Variants in CACNA2D3 observed in about 807,000 individuals in gnomAD.
CACNA2D3 encodes the protein voltage-dependent calcium channel subunit alpha-2/delta-3.
A neutral mutation model predicts 160.6 loss-of-function variants in CACNA2D3; 60 were observed. The ratio of observed to expected loss-of-function variants is 0.37; its 90% CI spans 0.30 to 0.46. The LOEUF (loss-of-function observed/expected upper bound fraction) is 0.46. Among genes scored for constraint, CACNA2D3 ranks in the 20% least tolerant of loss-of-function variants. CACNA2D3 has a pLI of 1.00. For missense variants in CACNA2D3, 1,205 were observed against 1,365.0 expected (o/e 0.88, Z 1.85); for synonymous variants, 558 against 492.9 (o/e 1.13, Z -1.75).
intron 9 of CACNA2D3, among the ~76,000 whole-genome samples, chr3:54,583,845 C>G (rs1387854232): frequency 6.6e-6 from 1 of 151,704 alleles, no homozygotes; most frequent in African/African-American, 2.4e-5. Context: ...TCTTTGACTC[C>G]CATATATCCT....
At chr3:54,219,593 G>A (rs1480644346) in intron 2 of CACNA2D3, among the ~76,000 whole-genome samples, 4 of 152,022 alleles carry the variant, frequency 2.6e-5, no homozygotes, top group Non-Finnish European at 5.9e-5. Context: ...TTTCTACTTG[G>A]CATTACAATC....
intron 16 of CACNA2D3, among the ~76,000 whole-genome samples, chr3:54,840,546 G>A (rs1251939081): frequency 6.6e-6 from 1 of 150,896 alleles, no homozygotes; most frequent in Non-Finnish European, 1.5e-5. Context: ...AAGTAGCTGG[G>A]ATTACAGGTG....
intron 2 of CACNA2D3, among the ~76,000 whole-genome samples, chr3:54,193,822 C>T (rs1158503847): frequency 1.3e-5 from 2 of 152,182 alleles, no homozygotes; most frequent in Non-Finnish European, 1.5e-5. Flanking sequence ...TCATTTCCTT[C>T]ACTTATGGAC....
intron 27 of CACNA2D3, among the ~76,000 whole-genome samples, chr3:54,939,654 A>G (rs1238354293): frequency 2.0e-5 from 3 of 152,234 alleles, no homozygotes; most frequent in East Asian, 1.9e-4. Context: ...GAACGGAGCT[A>G]TCAGTCAGAT....
chr3:54,815,153 G>T (rs1703418903), intron 13 of CACNA2D3, among the ~76,000 whole-genome samples: 1 of 152,098 alleles, frequency 6.6e-6, no homozygotes. Flanking sequence ...AGCACTGGAG[G>T]AGCTTATGAG....
chr3:54,687,135 G>GTTTTTTTTTTTTTTTTTTTTTTTTT (rs1290353261), intron 11 of CACNA2D3, among the ~76,000 whole-genome samples: 1 of 88,896 alleles, frequency 1.1e-5, no homozygotes, highest in Non-Finnish European at 2.2e-5. Flanking sequence ...TTTTTTTTTT[G>GTTTTTTTTTTTTTTTTTTTTTTTTT]TTTTTTTTTT....
chr3:54,898,805 G>A (rs1418409968), intron 26 of CACNA2D3, among the ~76,000 whole-genome samples: 1 of 152,140 alleles, frequency 6.6e-6, no homozygotes, highest in African/African-American at 2.4e-5. Flanking sequence ...CCTTGTTCAT[G>A]ACAAAGTTAC....
At chr3:54,814,666 T>C (rs1262871578) in intron 13 of CACNA2D3, among the ~76,000 whole-genome samples, 1 of 152,194 alleles carries the variant, frequency 6.6e-6, no homozygotes, top group Non-Finnish European at 1.5e-5. Flanking sequence ...TTGAGGAAAA[T>C]ATATGTTTTG....
intron 3 of CACNA2D3, among the ~76,000 whole-genome samples, chr3:54,343,488 G>T (rs1226244894): frequency 2.0e-5 from 3 of 151,926 alleles, no homozygotes; most frequent in Non-Finnish European, 4.4e-5. Flanking sequence ...TTCACCATGT[G>T]GCCCAGGCTG....
chr3:54,299,042 C>T (rs1389379157), intron 2 of CACNA2D3, among the ~76,000 whole-genome samples: 1 of 151,104 alleles, frequency 6.6e-6, no homozygotes, highest in South Asian at 2.1e-4. Context: ...CCACAGTCTG[C>T]CATTTGCAAG....
intron 2 of CACNA2D3, among the ~76,000 whole-genome samples, chr3:54,124,112 A>T (rs1343564528): frequency 6.6e-6 from 1 of 152,212 alleles, no homozygotes; most frequent in Non-Finnish European, 1.5e-5. Flanking sequence ...ATCATTGCAG[A>T]TAAGGAGAAT....
rs1559465959 is a variant in CACNA2D3 at position 55,021,659 on chromosome 3, G to GTGTATATATA, written c.2987+3345_2987+3346insATATATATGT. ...TATATATATATGTGTATATATATAT[G>GTGTATATATA]TGTGTGTATATATATATGTGTATAT... On this transcript the variant is annotated intron_variant, in intron 35 of 37. Coordinates refer to ENST00000474759, the MANE Select transcript of CACNA2D3 (RefSeq NM_018398.3). Among the ~76,000 whole-genome samples the GTGTATATATA allele has an allele frequency of 6.1e-3, 399 of 65,520 alleles. 2 individuals carry two copies. The highest frequency in any genetic ancestry group is 8.0e-3 in the Non-Finnish European group (227 of 28,326). The allele number at this position is 65,520 out of a possible 152,430, so 43.0% of individuals were successfully genotyped here.
chr3:54,705,419 A>G (rs1055523451), intron 11 of CACNA2D3, among the ~76,000 whole-genome samples: 1 of 152,082 alleles, frequency 6.6e-6, no homozygotes, highest in African/African-American at 2.4e-5. Context: ...GCCTTTGTAA[A>G]GACGTTGTCC....
intron 2 of CACNA2D3, among the ~76,000 whole-genome samples, chr3:54,274,006 G>A (rs962414969): frequency 2.1e-5 from 3 of 140,170 alleles, no homozygotes; most frequent in Non-Finnish European, 4.4e-5. Flanking sequence ...TTGAGTGGGC[G>A]TATGGCTGTC....
chr3:54,441,493 A>G (rs575411736), intron 4 of CACNA2D3, among the ~76,000 whole-genome samples: 26 of 152,244 alleles, frequency 1.7e-4, no homozygotes, highest in Admixed American at 1.6e-3. Flanking sequence ...TAGTTTAATT[A>G]TATCCCATTT....
At chr3:55,009,324 T>G (rs1703161346) in intron 33 of CACNA2D3, 64 bp from the exon 34 acceptor site, 1 of 1,367,288 alleles carries the variant, frequency 7.3e-7, no homozygotes, top group African/African-American at 1.4e-5. Context: ...ATACAGAAAG[T>G]CACTGTTCTG....
At chr3:54,279,405 A>G (rs981251390) in intron 2 of CACNA2D3, among the ~76,000 whole-genome samples, 5 of 152,132 alleles carry the variant, frequency 3.3e-5, no homozygotes, top group Admixed American at 6.5e-5. Context: ...AGAGCTGAGT[A>G]ATTTCCCCAG....
chr3:54,777,734 T>C (rs943137292), intron 13 of CACNA2D3, among the ~76,000 whole-genome samples: 4 of 152,136 alleles, frequency 2.6e-5, no homozygotes, highest in South Asian at 2.1e-4. Context: ...GTTGTTTCCA[T>C]GGAAAGAGCC....
rs1183924145 is a variant in CACNA2D3 at position 54,386,726 on chromosome 3, G to C, written c.333G>C (p.Glu111Asp). 6.4e-7 allele frequency: 1 copy of C among 1,565,066 alleles called. No individual in the cohort carries two copies. The highest frequency in any genetic ancestry group is 1.2e-5 in the South Asian group (1 of 85,544). Residue 111 changes from glutamate to aspartate, a missense_variant, in exon 4 of 38, where the codon GAG (glutamate) becomes GAC (aspartate). By Grantham distance (45) the Glu-to-Asp change is conservative. Around this residue, in one of 3 missense-constraint regions of CACNA2D3, gnomAD observed 163 missense variants for 161.3 expected, o/e 1.01. Coordinates refer to ENST00000474759, the MANE Select transcript of CACNA2D3 (RefSeq NM_018398.3). ...TTTTTTTTTTTTAGCGTCTGGTGGA[G>C]GCTGCAGAAGAAGCACACCTGAAAC... Reference protein sequence around the residue: ...KKSEAVRRLVEAAEEAHLKHE... With the variant: ...KKSEAVRRLVDAAEEAHLKHE...
Sources: gnomAD v4.1 joint callset for allele counts (sites outside exome capture counted in the v4.1 genomes callset) on GRCh38, gnomAD v4.1.1 for gene constraint, gnomAD v4.1.1 regional missense constraint, MANE v1.5 for transcripts, NCBI Gene and HGNC (gene_info 2026-07-23, HGNC 2026-07-21) for gene names.